Variants in LSR observed in about 807,000 individuals in gnomAD.
The protein encoded by LSR is lipolysis stimulated lipoprotein receptor.
In LSR, 44 loss-of-function variants were observed where a neutral mutation model predicts 61.8. The ratio of observed to expected loss-of-function variants is 0.71; its 90% CI spans 0.56 to 0.91. The LOEUF is 0.91. Ranked by LOEUF, LSR falls within the 40% of genes least tolerant of loss-of-function variation. The pLI is 0.00. For missense variants in LSR, 911 were observed against 830.5 expected, an observed-to-expected ratio of 1.10 and a Z score of -1.19; for synonymous variants, 397 against 350.6, an observed-to-expected ratio of 1.13 and a Z score of -1.48.
Position 35,258,997 on chromosome 19 carries a change from C to A in LSR, c.507C>A (p.Tyr169Ter), listed in dbSNP as rs1464613782. The A allele has an allele frequency of 6.2e-7, 1 of 1,614,012 alleles. No homozygotes were observed. The highest frequency in any genetic ancestry group is 8.5e-7 in the Non-Finnish European group (1 of 1,180,028). Residue 169 changes from tyrosine (Y) to a stop codon, truncating the protein, a stop_gained, in exon 3 of 10, where the codon TAC (tyrosine) becomes TAA (stop). Transcript: ENST00000605618. LOFTEE classifies it high-confidence loss of function. ...CGTGGGGGGACAGTGGTGTGTATTA[C>A]TGCTCCGTGGTCTCAGCCCAGGACC... is the stretch of plus-strand genomic sequence containing the variant. ...QTAWGDSGVY[Y>*]CSVVSAQDLQ...
rs751373622 is a variant in LSR at position 35,267,745 on chromosome 19, C to G, written c.1770+11C>G. 3 of 1,610,604 alleles carry G rather than the reference C, an allele frequency of 1.9e-6. No individual in the cohort carries two copies. The South Asian group carries it at 3.3e-5, about 18-fold the overall frequency. ...CGCAGGCTCAAGAAGGTGAGGGCCG[C>G]CCTCCCTGGCGTCCAGACCGTCCCT... On this transcript the variant is annotated intron_variant, in intron 9 of 9. Coordinates refer to ENST00000605618, the MANE Select transcript of LSR (RefSeq NM_205834.4).
intron 4 of LSR, among the ~76,000 whole-genome samples, chr19:35,262,195 C>G (rs1255941365): frequency 6.6e-6 from 1 of 152,218 alleles, no homozygotes; most frequent in East Asian, 1.9e-4. Context: ...GGCCAGGGCT[C>G]TGTGACTGGC....
In LSR at chr19:35,267,672, C is replaced by G. The variant is rs1182031240; in HGVS notation, c.1708C>G (p.Pro570Ala). ...GGAGGAGGAAGAGGCCTACTACCCG[C>G]CCGCGCCGCCCCCGTACTCGGAGAC... The part of the protein sequence containing the change: ...KEEEEEAYYP[P>A]APPPYSETDS... The change falls in exon 9 of 10, where the codon CCC (proline) becomes GCC (alanine). Residue 570 changes from proline (P) to alanine (A), a missense_variant. Pro to Ala is a conservative substitution (Grantham distance 27). Coordinates refer to ENST00000605618, the MANE Select transcript of LSR (RefSeq NM_205834.4). The G allele has an allele frequency of 3.1e-6, 5 of 1,605,138 alleles. No homozygotes were observed. The East Asian group carries it at 8.9e-5, about 29-fold the overall frequency.
chr19:35,267,063 G>GACCCCGGGCTCCTCCAGCA, intron 8 of LSR, 46 bp from the exon 9 acceptor site: 1 of 1,533,038 alleles, frequency 6.5e-7, no homozygotes, highest in East Asian at 2.3e-5. Flanking sequence ...GCAAACCCTG[G>GACCCCGGGCTCCTCCAGCA]ACCCCGGGCT....
At chr19:35,252,512 G>T (rs2065806972) in intron 2 of LSR, among the ~76,000 whole-genome samples, 1 of 151,570 alleles carries the variant, frequency 6.6e-6, no homozygotes, top group Non-Finnish European at 1.5e-5. Context: ...AGCCAGGCAT[G>T]GTGGCACATG....
Position 35,250,514 on chromosome 19 carries a change from C to T in LSR, c.309C>T (p.Ala103=), listed in dbSNP as rs1382395727. ...SPASVDNQLN[A]QLAAGNPGYN... ...CCAGCGTCGACAACCAGCTCAATGCCCAGCTGGCAGCCGGGAACCCAGGCT... is the reference window on the plus strand; with the variant it reads ...CCAGCGTCGACAACCAGCTCAATGCTCAGCTGGCAGCCGGGAACCCAGGCT... Residue 103 remains alanine, a synonymous_variant, in exon 2 of 10, where the codon GCC becomes GCT. Transcript: ENST00000605618. 6.2e-7 allele frequency: 1 copy of T among 1,614,018 alleles called. No individual in the cohort carries two copies. The highest frequency in any genetic ancestry group is 1.3e-5 in the African/African-American group (1 of 74,928).
chr19:35,264,853 T>C (rs1357023170), intron 5 of LSR: 2 of 152,140 alleles, frequency 1.3e-5, no homozygotes, highest in African/African-American at 4.8e-5. Flanking sequence ...TATAAAATAT[T>C]CTACGTCTGT....
intron 2 of LSR, among the ~76,000 whole-genome samples, chr19:35,257,572 C>T (rs1009782778): frequency 1.3e-5 from 2 of 151,996 alleles, no homozygotes; most frequent in Non-Finnish European, 2.9e-5. Flanking sequence ...CTGCAGCACG[C>T]GTGGTTGCTG....
intron 5 of LSR, among the ~76,000 whole-genome samples, chr19:35,265,898 G>A (rs1356657664): frequency 6.6e-6 from 1 of 152,196 alleles, no homozygotes; most frequent in Non-Finnish European, 1.5e-5. Flanking sequence ...CTTGATTTCG[G>A]CTTGTGGGGA....
Position 35,267,741 on chromosome 19 carries a change from G to A in LSR, c.1770+7G>A. ...AGAGCGCAGGCTCAAGAAGGTGAGGGCCGCCCTCCCTGGCGTCCAGACCGT... is the reference window on the plus strand; with the variant it reads ...AGAGCGCAGGCTCAAGAAGGTGAGGACCGCCCTCCCTGGCGTCCAGACCGT... On this transcript the variant is annotated splice_region_variant and intron_variant, in intron 9 of 9. Transcript: ENST00000605618. 1 of 1,610,274 alleles carries A rather than the reference G, an allele frequency of 6.2e-7. No homozygotes were observed. Among genetic ancestry groups the A allele is most frequent in the Non-Finnish European group, 8.5e-7 (1 of 1,178,838 alleles).
In LSR at chr19:35,259,084, G is replaced by A. The variant is rs2065892196; in HGVS notation, c.574+20G>A. On this transcript the variant is annotated intron_variant, in intron 3 of 9. Coordinates refer to ENST00000605618, the MANE Select transcript of LSR (RefSeq NM_205834.4). ...TCCTTGGTGAGTGGGCCTGGGAAGG[G>A]GGAGGCATGGCCCTTCCTTTTGTCC... is the stretch of plus-strand genomic sequence containing the variant. The A allele has an allele frequency of 5.0e-6, 8 of 1,608,718 alleles. No individual in the cohort carries two copies. Among genetic ancestry groups the A allele is most frequent in the Middle Eastern group, 1.7e-4 (1 of 6,038 alleles).
rs1292239863 is a variant in LSR at position 35,267,577 on chromosome 19, A to G, written c.1613A>G (p.Tyr538Cys). ...DNGSRSGDLPYDGRLLEEAVR... is the reference protein window; with the variant it reads ...DNGSRSGDLPCDGRLLEEAVR... ...GGCTCCAGGTCCGGGGACCTCCCCT[A>G]TGATGGGCGGCTACTGGAGGAGGCT... is the stretch of plus-strand genomic sequence containing the variant. The change falls in exon 9 of 10, where the codon TAT (tyrosine) becomes TGT (cysteine). Residue 538 changes from tyrosine (Y) to cysteine (C), a missense_variant. By Grantham distance (194) the Tyr-to-Cys change is radical. Coordinates refer to ENST00000605618, the MANE Select transcript of LSR (RefSeq NM_205834.4). The G allele has an allele frequency of 1.7e-5, 27 of 1,612,180 alleles. No homozygotes were observed. Among genetic ancestry groups the G allele is most frequent in the Admixed American group, 8.3e-5 (5 of 59,926 alleles).
chr19:35,262,923 T>C (rs1024464872), intron 5 of LSR: 39 of 542,728 alleles, frequency 7.2e-5, no homozygotes, highest in Non-Finnish European at 1.3e-4. Context: ...GTATAATCCA[T>C]ACACATGGTA....
intron 5 of LSR, among the ~76,000 whole-genome samples, chr19:35,264,968 TCTC>T (rs1201773134): frequency 6.6e-6 from 1 of 152,196 alleles, no homozygotes; most frequent in Non-Finnish European, 1.5e-5. Context: ...CAGCCTTCCC[TCTC>T]TGAGTCCTGT....
In LSR at chr19:35,267,289, G is replaced by A. The variant is rs767547293; in HGVS notation, c.1325G>A (p.Arg442Gln). Reference protein sequence around the residue: ...AGGGWRARRPRARSVDALDDL... With the variant: ...AGGGWRARRPQARSVDALDDL... ...GGGGGCTGGCGGGCCAGGCGGCCCC[G>A]GGCCCGCTCCGTGGACGCCCTGGAC... is the stretch of plus-strand genomic sequence containing the variant. Residue 442 changes from arginine (R) to glutamine (Q), a missense_variant, in exon 9 of 10, where the codon CGG becomes CAG. Physicochemically the swap from Arg to Gln is conservative, Grantham distance 43. Transcript: ENST00000605618. The A allele has an allele frequency of 1.3e-6, 2 of 1,523,846 alleles. No homozygotes were observed. The highest frequency in any genetic ancestry group is 1.4e-5 in the African/African-American group (1 of 72,670). The allele number at this position is 1,523,846 out of a possible 1,614,324, so 94.4% of individuals were successfully genotyped here.
At chr19:35,254,949 A>G (rs187796334) in intron 2 of LSR, among the ~76,000 whole-genome samples, 1 of 152,184 alleles carries the variant, frequency 6.6e-6, no homozygotes, top group African/African-American at 2.4e-5. Flanking sequence ...CCCCTGGCCT[A>G]TATGATCTGT....
rs79440700 is a variant in LSR, at chr19:35,267,049, T to C, written c.1145-60T>C. 3.6e-4 allele frequency: 557 copies of C among 1,549,748 alleles called. 4 individuals are homozygous for C. The African/African-American group carries it at 7.0e-3, about 19-fold the overall frequency. ...CCCTGATACCTGCCGCAGGGACTCT[T>C]GGTGCAAACCCTGGACCCCGGGCTC... On this transcript the variant is annotated intron_variant, in intron 8 of 9. Transcript: ENST00000605618.
chr19:35,249,455 A>G (rs2065762516), intron 1 of LSR: 1 of 362,982 alleles, frequency 2.8e-6, no homozygotes, highest in African/African-American at 2.2e-5. Flanking sequence ...AAAAGCCGGG[A>G]TGGGACTTGG....
rs765109569 is a variant in LSR, at chr19:35,250,496, C to T, written c.291C>T (p.Val97=). The part of the protein sequence containing the change: ...RIADAFSPAS[V]DNQLNAQLAA... ...CCGATGCCTTCTCCCCGGCCAGCGT[C>T]GACAACCAGCTCAATGCCCAGCTGG... Residue 97 remains valine, a synonymous_variant, in exon 2 of 10, where the codon GTC becomes GTT. Coordinates refer to ENST00000605618, the MANE Select transcript of LSR (RefSeq NM_205834.4). The T allele has an allele frequency of 3.7e-6, 6 of 1,614,130 alleles. No individual in the cohort carries two copies. Among genetic ancestry groups the T allele is most frequent in the African/African-American group, 2.7e-5 (2 of 75,056 alleles).
Sources: allele counts gnomAD v4.1 joint callset (sites outside exome capture counted in the v4.1 genomes callset), GRCh38; gene constraint gnomAD v4.1.1; transcripts MANE v1.5; gene names NCBI Gene and HGNC (gene_info 2026-07-23, HGNC 2026-07-21).